The following ASB7 variants were observed in gnomAD, a reference collection of about 807,000 sequenced individuals.
ASB7 encodes ankyrin repeat and SOCS box protein 7.
A neutral mutation model predicts 32.5 loss-of-function variants in ASB7; 4 were observed. The ratio of observed to expected loss-of-function variants is 0.12; its 90% CI spans 0.06 to 0.28. The LOEUF is 0.28. Ranked by LOEUF, ASB7 falls within the 10% of genes least tolerant of loss-of-function variation. The pLI, the probability that ASB7 is intolerant of heterozygous loss-of-function variation, is 1.00. For missense variants in ASB7, 181 were observed against 407.1 expected, an observed-to-expected ratio of 0.44 and a Z score of 4.78; for synonymous variants, 172 against 155.6, an observed-to-expected ratio of 1.11 and a Z score of -0.78.
chr15:100,629,162 A>T lies in ASB7; in HGVS notation c.212-275A>T, dbSNP rs1392460677. 6.6e-6 allele frequency among the ~76,000 whole-genome samples: 1 copy of T among 152,226 alleles called. No homozygotes were observed. The highest frequency in any genetic ancestry group is 1.5e-5 in the Non-Finnish European group (1 of 68,038). On this transcript the variant is annotated intron_variant, in intron 4 of 5. Coordinates refer to ENST00000332783, the MANE Select transcript of ASB7 (RefSeq NM_198243.3). The surrounding 1 kb of genome is among the most constrained non-coding windows in gnomAD (Gnocchi z 6.8). ...TTGGTTAAATTAGCAAAGACAGGGGATGTGGTGATCTGTACTCCGTGTTTT... is the reference window on the plus strand; with the variant it reads ...TTGGTTAAATTAGCAAAGACAGGGGTTGTGGTGATCTGTACTCCGTGTTTT...
intron 4 of ASB7, among the ~76,000 whole-genome samples, chr15:100,617,582 A>G (rs150690336): frequency 6.7e-4 from 102 of 152,326 alleles, no homozygotes; most frequent in African/African-American, 2.4e-3. Context: ...ATCCTTGTAT[A>G]TATCCAGACC....
intron 5 of ASB7, among the ~76,000 whole-genome samples, chr15:100,636,506 G>C (rs1293367068): frequency 6.6e-6 from 1 of 152,138 alleles, no homozygotes; most frequent in Non-Finnish European, 1.5e-5. Context: ...CAGAGGCGCT[G>C]TTGAATCAGT....
At chr15:100,640,127 A>G (rs2039950576) in intron 5 of ASB7, among the ~76,000 whole-genome samples, 1 of 152,098 alleles carries the variant, frequency 6.6e-6, no homozygotes, top group Non-Finnish European at 1.5e-5. Flanking sequence ...AAATGTGTTT[A>G]TGGTAGGATT....
intron 5 of ASB7, chr15:100,646,446 C>G: frequency 2.1e-6 from 1 of 465,534 alleles, no homozygotes. Context: ...TCTCCCGTTC[C>G]ATGTGTTTGA....
At chr15:100,645,228 G>A (rs1022608460) in intron 5 of ASB7, among the ~76,000 whole-genome samples, 3 of 151,998 alleles carry the variant, frequency 2.0e-5, no homozygotes, top group Admixed American at 2.0e-4. Flanking sequence ...CACAGTTTCT[G>A]TTTTATAAAC....
chr15:100,646,727 G>A (rs896681423), intron 5 of ASB7: 1 of 166,156 alleles, frequency 6.0e-6, no homozygotes, highest in African/African-American at 2.4e-5. Flanking sequence ...TGTCTCTTAG[G>A]ACTACAAAGA....
intron 5 of ASB7, among the ~76,000 whole-genome samples, chr15:100,647,885 T>C (rs2040007168): frequency 2.0e-5 from 3 of 152,060 alleles, no homozygotes; most frequent in African/African-American, 7.2e-5. Flanking sequence ...CCCACACTTT[T>C]CAGATTGAGA....
chr15:100,624,106 G>A (rs192093923), intron 4 of ASB7, among the ~76,000 whole-genome samples: 92 of 152,310 alleles, frequency 6.0e-4, no homozygotes, highest in African/African-American at 2.0e-3. Context: ...AAAAAAAGTT[G>A]GCCTCTCGAT....
At chr15:100,619,748 G>A (rs904571945) in intron 4 of ASB7, among the ~76,000 whole-genome samples, 1 of 152,212 alleles carries the variant, frequency 6.6e-6, no homozygotes, top group African/African-American at 2.4e-5. Flanking sequence ...CAGAGTAAGA[G>A]GTTGCTTGTG....
At chr15:100,635,570 T>A (rs531508274) in intron 5 of ASB7, among the ~76,000 whole-genome samples, 296 of 152,320 alleles carry the variant, frequency 1.9e-3, no homozygotes, top group African/African-American at 6.8e-3. Flanking sequence ...CTGTCCCGTG[T>A]CTTGGCTTTG....
chr15:100,617,659 C>G (rs2039755134), intron 4 of ASB7, among the ~76,000 whole-genome samples: 1 of 152,116 alleles, frequency 6.6e-6, no homozygotes, highest in African/African-American at 2.4e-5. Flanking sequence ...TGATGTTATC[C>G]CTCTGTTATA....
rs919260731 is a variant in ASB7, at chr15:100,603,027, A to G, written c.-292A>G. ...AGAGGAGGCTGAAAGGAGGAAGAGA[A>G]GCAGCAGCTGAGGAGACAGGTAAAG... On this transcript the variant is annotated 5_prime_UTR_variant, in exon 1 of 6. Transcript: ENST00000332783. The G allele has an allele frequency of 4.3e-5, 17 of 399,226 alleles. No individual in the cohort carries two copies. The highest frequency in any genetic ancestry group is 6.6e-5 in the Non-Finnish European group (15 of 226,640). The allele number at this position is 399,226 out of a possible 1,614,324, so 24.7% of individuals were successfully genotyped here. A position where few individuals can be genotyped will look rare whatever the true frequency, so the allele number is the denominator to read the frequency against.
chr15:100,619,135 C>T (rs1597002017), intron 4 of ASB7, among the ~76,000 whole-genome samples: 1 of 151,954 alleles, frequency 6.6e-6, no homozygotes, highest in African/African-American at 2.4e-5. Context: ...AGGAAGACTT[C>T]CTAGATAAAG....
intron 5 of ASB7, among the ~76,000 whole-genome samples, chr15:100,639,659 A>T (rs886412571): frequency 2.0e-5 from 3 of 152,182 alleles, no homozygotes; most frequent in African/African-American, 7.2e-5. Context: ...ATACATTTTA[A>T]CCAGGGGCAT....
At chr15:100,640,494 C>T (rs916654138) in intron 5 of ASB7, among the ~76,000 whole-genome samples, 7 of 152,022 alleles carry the variant, frequency 4.6e-5, no homozygotes, top group African/African-American at 1.4e-4. Context: ...AGGTATTGGG[C>T]GGCCATCCCA....
intron 4 of ASB7, among the ~76,000 whole-genome samples, chr15:100,622,702 A>G (rs780669945): frequency 3.3e-5 from 5 of 152,202 alleles, no homozygotes; most frequent in African/African-American, 4.8e-5. Context: ...AGGAAAGGAC[A>G]CCCTCTTCAG....
intron 4 of ASB7, among the ~76,000 whole-genome samples, chr15:100,614,368 A>ATTCTACAAC (rs2039723872): frequency 6.6e-6 from 1 of 152,296 alleles, no homozygotes; most frequent in Non-Finnish European, 1.5e-5. Flanking sequence ...TGACTGTATA[A>ATTCTACAAC]TTCTACAACT....
In ASB7 at chr15:100,629,635, T is replaced by A; in HGVS notation, c.410T>A (p.Leu137Gln). The A allele has an allele frequency of 6.2e-7, 1 of 1,614,202 alleles. No homozygotes were observed. Among genetic ancestry groups the A allele is most frequent in the South Asian group, 1.1e-5 (1 of 91,086 alleles). Residue 137 changes from leucine to glutamine, a missense_variant, in exon 5 of 6, where the codon CTG becomes CAG. Leu to Gln is a moderately radical substitution (Grantham distance 113, BLOSUM62 -2). Transcript: ENST00000332783. The surrounding 1 kb of genome is among the most constrained non-coding windows in gnomAD (Gnocchi z 6.8). ...AGGGACTCATTTGTCCGGCTCCTCC[T>A]GGAGTTCAAGGCTGAGGTTGACCCA... is the stretch of plus-strand genomic sequence containing the variant. ...YGRDSFVRLL[L>Q]EFKAEVDPLS... is the part of the protein sequence containing the mutation.
Position 100,651,246 on chromosome 15 carries a change from A to G in ASB7, c.*2784A>G, listed in dbSNP as rs2040030200. 1 of 152,010 alleles carries G rather than the reference A, an allele frequency of 6.6e-6. No individual in the cohort carries two copies. The highest frequency in any genetic ancestry group is 6.6e-5 in the Admixed American group (1 of 15,254). 9.4% of individuals were successfully genotyped at this position (152,010 alleles called of 1,614,324 possible). On this transcript the variant is annotated 3_prime_UTR_variant, in exon 6 of 6. Coordinates refer to ENST00000332783, the MANE Select transcript of ASB7 (RefSeq NM_198243.3). ...GTGTTTATAAATGTACAGCAGAGTAAGAGTGTTTTTTAGATTATTTAATTC... is the reference window on the plus strand; with the variant it reads ...GTGTTTATAAATGTACAGCAGAGTAGGAGTGTTTTTTAGATTATTTAATTC...
Sources: allele counts gnomAD v4.1 joint callset (sites outside exome capture counted in the v4.1 genomes callset), GRCh38; gene constraint gnomAD v4.1.1; non-coding constraint Gnocchi (gnomAD v3.1); transcripts MANE v1.5; gene names NCBI Gene and HGNC (gene_info 2026-07-23, HGNC 2026-07-21).